The following ZMYND11 variants were observed in gnomAD, a reference collection of about 807,000 sequenced individuals.
The protein encoded by ZMYND11 is zinc finger MYND-type containing 11.
Under a neutral mutation model 84.9 loss-of-function variants are expected in ZMYND11, and 9 were observed. The observed-to-expected ratio is 0.11, with a 90% CI of 0.06 to 0.18. ZMYND11 has a LOEUF of 0.18. Ranked by LOEUF, ZMYND11 falls within the 10% of genes least tolerant of loss-of-function variation. The probability of loss-of-function intolerance (pLI) is 1.00; values close to 1 mark genes in which losing one functional copy is unlikely to be tolerated. For missense variants in ZMYND11, 409 were observed against 761.0 expected, an observed-to-expected ratio of 0.54 and a Z score of 5.44; for synonymous variants, 250 against 244.1, an observed-to-expected ratio of 1.02 and a Z score of -0.23.
upstream of ZMYND11, chr10:134,900 C>G (rs1179717260): frequency 2.6e-5 from 4 of 151,370 alleles, no homozygotes; most frequent in Non-Finnish European, 5.9e-5. Context: ...AAGGTAGGAG[C>G]CGCGTGCACG....
intron 2 of ZMYND11, among the ~76,000 whole-genome samples, chr10:200,376 G>A (rs912926762): frequency 7.0e-6 from 1 of 143,448 alleles, no homozygotes; most frequent in Non-Finnish European, 1.5e-5. Flanking sequence ...GTGTATATAT[G>A]TATATATAAC....
chr10:158,984 G>GTTTTTTTTTTTTTTTTTTTTTTT lies in ZMYND11; in HGVS notation c.-19-21004_-19-21003insTTTTTTTTTTTTTTTTTTTTTTT, dbSNP rs376931420. 5.0e-5 allele frequency among the ~76,000 whole-genome samples: 2 copies of GTTTTTTTTTTTTTTTTTTTTTTT among 40,056 alleles called. 1 individual carries two copies. 26.3% of individuals were successfully genotyped at this position (40,056 alleles called of 152,430 possible). A position where few individuals can be genotyped will look rare whatever the true frequency, so the allele number is the denominator to read the frequency against. ...AGATATATGATTTGCAGGGTTTTTT[G>GTTTTTTTTTTTTTTTTTTTTTTT]TTTTTTGTTTTTTTTTTTTTTTTTA... On this transcript the variant is annotated intron_variant, in intron 1 of 14. Transcript: ENST00000381604.
upstream of ZMYND11, among the ~76,000 whole-genome samples, chr10:131,724 C>T (rs1835316516): frequency 6.6e-6 from 1 of 151,796 alleles, no homozygotes; most frequent in Non-Finnish European, 1.5e-5. Flanking sequence ...GATGCGTCCT[C>T]GTTATGTTGC....
At chr10:150,610 C>T (rs1041171010) in intron 1 of ZMYND11, among the ~76,000 whole-genome samples, 1 of 152,162 alleles carries the variant, frequency 6.6e-6, no homozygotes. Context: ...GGGTGGAGCC[C>T]ACTGCAGCTC....
chr10:166,476 A>G (rs1176541102), intron 1 of ZMYND11, among the ~76,000 whole-genome samples: 1 of 152,140 alleles, frequency 6.6e-6, no homozygotes, highest in African/African-American at 2.4e-5. Context: ...CATATCCAAT[A>G]AATACATGAA....
Position 210,009 on chromosome 10 carries a change from T to C in ZMYND11, c.237T>C (p.Gly79=), listed in dbSNP as rs976926291. The C allele has an allele frequency of 1.2e-6, 2 of 1,614,144 alleles. No individual in the cohort carries two copies. The highest frequency in any genetic ancestry group is 3.3e-5 in the Admixed American group (2 of 60,028). The change falls in exon 3 of 15, where the codon GGT becomes GGC. Residue 79 remains glycine (G), a synonymous_variant. Transcript: ENST00000381604. ...LTVGCKGSKA[G]IEQEGYWLPG... ...TGGGCTGCAAAGGTTCAAAAGCTGG[T>C]ATTGAACAAGAAGGATATTGGTTGC...
rs192461201 is a variant in ZMYND11, at chr10:225,077, A to G, written c.438+3721A>G. Among the ~76,000 whole-genome samples, 458 of 152,368 alleles carry G rather than the reference A, an allele frequency of 3.0e-3. No homozygotes were observed. The Middle Eastern group carries it at 0.031, about 10-fold the overall frequency. ...TTAAGATTTTGTTTACAAAAAAGAA[A>G]TACCTTTAAAACACAATATAGTCCA... is the stretch of plus-strand genomic sequence containing the variant. On this transcript the variant is annotated intron_variant, in intron 4 of 14. Transcript: ENST00000381604.
chr10:166,791 C>G (rs1554763998), intron 1 of ZMYND11, among the ~76,000 whole-genome samples: 2 of 152,074 alleles, frequency 1.3e-5, no homozygotes, highest in African/African-American at 2.4e-5. Context: ...TACTTGTATG[C>G]CAGTGTTCAC....
At chr10:249,429 G>A in intron 14 of ZMYND11, 3 of 985,238 alleles carry the variant, frequency 3.0e-6, no homozygotes, top group Non-Finnish European at 3.6e-6. Flanking sequence ...GATTTCAGAT[G>A]GGTAACATCC....
chr10:186,488 A>C (rs1030329429), intron 2 of ZMYND11, among the ~76,000 whole-genome samples: 38 of 151,830 alleles, frequency 2.5e-4, no homozygotes, highest in Non-Finnish European at 1.3e-4. Flanking sequence ...TAAAAATACA[A>C]AAATTAGCTA....
chr10:158,180 G>C (rs1588517829), intron 1 of ZMYND11, among the ~76,000 whole-genome samples: 1 of 152,118 alleles, frequency 6.6e-6, no homozygotes. Flanking sequence ...ATACTGCGTG[G>C]ATGTACATGT....
intron 2 of ZMYND11, among the ~76,000 whole-genome samples, chr10:208,330 G>T (rs1034321245): frequency 1.3e-5 from 2 of 152,128 alleles, no homozygotes; most frequent in African/African-American, 4.8e-5. Flanking sequence ...CACAGCAAAA[G>T]AAACTGCCAT....
chr10:157,265 T>C (rs528927022), intron 1 of ZMYND11, among the ~76,000 whole-genome samples: 154 of 152,308 alleles, frequency 1.0e-3, no homozygotes, highest in African/African-American at 3.6e-3. Flanking sequence ...AGTGGTGCAA[T>C]CTCGGCTCAC....
intron 12 of ZMYND11, among the ~76,000 whole-genome samples, 194 bp from the exon 13 acceptor site, chr10:248,142 A>C (rs1360976630): frequency 6.6e-6 from 1 of 152,176 alleles, no homozygotes; most frequent in Non-Finnish European, 1.5e-5. Context: ...TCATTCACTA[A>C]TTGGGGGAGA....
At chr10:230,190 T>A (rs781695477) in intron 4 of ZMYND11, among the ~76,000 whole-genome samples, 3 of 152,040 alleles carry the variant, frequency 2.0e-5, no homozygotes, top group African/African-American at 4.8e-5. Context: ...AAACACAGTC[T>A]CCTACCGAGC....
At chr10:236,724 C>G in intron 4 of ZMYND11, 114 bp from the exon 5 acceptor site, 2 of 878,158 alleles carry the variant, frequency 2.3e-6, no homozygotes, top group Non-Finnish European at 3.4e-6. Flanking sequence ...AAAAAGAGCA[C>G]TTTTAGTAAA....
chr10:180,211 T>C lies in ZMYND11; in HGVS notation c.116+83T>C, dbSNP rs1021310152. Reference sequence around the variant, plus strand: ...AGGCCAAAAAAAATTTTATCTGTTATGCTAATCAACATATATTACAAAGAA... The same window carrying C: ...AGGCCAAAAAAAATTTTATCTGTTACGCTAATCAACATATATTACAAAGAA... On this transcript the variant is annotated intron_variant, in intron 2 of 14. Transcript: ENST00000381604. 66 of 996,898 alleles carry C rather than the reference T, an allele frequency of 6.6e-5. No individual in the cohort carries two copies. The Middle Eastern group carries it at 8.5e-4, about 13-fold the overall frequency. The allele number at this position is 996,898 out of a possible 1,614,324, so 61.8% of individuals were successfully genotyped here. A position where few individuals can be genotyped will look rare whatever the true frequency, so the allele number is the denominator to read the frequency against.
intron 1 of ZMYND11, among the ~76,000 whole-genome samples, chr10:149,372 G>A (rs1203909830): frequency 6.6e-6 from 1 of 150,960 alleles, no homozygotes; most frequent in African/African-American, 2.4e-5. Context: ...GTGCAGTGGC[G>A]CGATCTTGGC....
At chr10:137,864 C>A (rs1488474747) in intron 1 of ZMYND11, among the ~76,000 whole-genome samples, 2 of 152,140 alleles carry the variant, frequency 1.3e-5, no homozygotes, top group Non-Finnish European at 2.9e-5. Flanking sequence ...AAATATTTGT[C>A]TTGCTTGACT....
Sources: gnomAD v4.1 joint callset for allele counts (sites outside exome capture counted in the v4.1 genomes callset) on GRCh38, gnomAD v4.1.1 for gene constraint, MANE v1.5 for transcripts, NCBI Gene and HGNC (gene_info 2026-07-23, HGNC 2026-07-21) for gene names.